The following PHF2 variants were observed in gnomAD, a reference collection of about 807,000 sequenced individuals.
The protein encoded by PHF2 is PHD finger protein 2, also known as lysine-specific demethylase PHF2.
A neutral mutation model predicts 120.5 loss-of-function variants in PHF2; 27 were observed. The ratio of observed to expected loss-of-function variants is 0.22; its 90% confidence interval spans 0.17 to 0.31. PHF2 has a LOEUF of 0.31. Ranked by LOEUF, PHF2 falls within the 10% of genes least tolerant of loss-of-function variation. PHF2 has a pLI of 1.00. For synonymous variants in PHF2, 568 were observed against 592.5 expected, an observed-to-expected ratio of 0.96 and a Z score of 0.60; for missense variants, 1,024 against 1,434.8, an observed-to-expected ratio of 0.71 and a Z score of 4.63.
At chr9:93,633,224 C>G (rs897129095) in intron 2 of PHF2, among the ~76,000 whole-genome samples, 1 of 152,204 alleles carries the variant, frequency 6.6e-6, no homozygotes, top group African/African-American at 2.4e-5. Flanking sequence ...TGCAGGGTCC[C>G]TCCCCGTTCC....
Position 93,676,659 on chromosome 9 carries a change from TTCCACC to T in PHF2, c.2909_2914del (p.Thr970_Ser971del). The stretch of plus-strand genomic sequence containing the variant: ...AGCTGACTCCTAACACCACCTCCCC[TTCCACC>T]TCCACCTCCATCTCTGCCGGCACCA... On this transcript the variant is annotated inframe_deletion, in exon 21 of 22. Transcript: ENST00000359246. 1 of 1,600,858 alleles carries T rather than the reference TTCCACC, an allele frequency of 6.2e-7. No homozygotes were observed. Among genetic ancestry groups the T allele is most frequent in the Non-Finnish European group, 8.5e-7 (1 of 1,173,564 alleles).
intron 1 of PHF2, among the ~76,000 whole-genome samples, chr9:93,586,426 C>G (rs1307628275): frequency 6.6e-6 from 1 of 152,260 alleles, no homozygotes; most frequent in Non-Finnish European, 1.5e-5. Context: ...GGATGCCACC[C>G]TGTTCCTTGC....
chr9:93,620,350 G>A (rs1825805731), intron 1 of PHF2, among the ~76,000 whole-genome samples: 1 of 152,228 alleles, frequency 6.6e-6, no homozygotes, highest in African/African-American at 2.4e-5. Flanking sequence ...CCACGCTGGG[G>A]CAGGGGCAGC....
chr9:93,658,765 G>A (rs1826506612), intron 10 of PHF2, among the ~76,000 whole-genome samples: 1 of 152,040 alleles, frequency 6.6e-6, no homozygotes, highest in African/African-American at 2.4e-5. Context: ...GATTGCAGGT[G>A]CAGCACCCCA....
chr9:93,669,131 C>T (rs1428586021), intron 17 of PHF2, among the ~76,000 whole-genome samples: 5 of 152,230 alleles, frequency 3.3e-5, no homozygotes, highest in Admixed American at 3.3e-4. Context: ...GCATGCAGTC[C>T]TCACCCTCTT....
At chr9:93,640,992 G>T (rs1459945345) in intron 3 of PHF2, among the ~76,000 whole-genome samples, 18 of 152,196 alleles carry the variant, frequency 1.2e-4, no homozygotes. Flanking sequence ...TGTGTCTGCA[G>T]CTCTCTCAGT....
At chr9:93,587,963 C>T (rs2131601912) in intron 1 of PHF2, among the ~76,000 whole-genome samples, 1 of 152,238 alleles carries the variant, frequency 6.6e-6, no homozygotes, top group African/African-American at 2.4e-5. Context: ...AGGCATGTGA[C>T]TTGGATCCTG....
At chr9:93,648,279 G>C (rs143251762) in intron 4 of PHF2, among the ~76,000 whole-genome samples, 16 of 152,330 alleles carry the variant, frequency 1.1e-4, no homozygotes, top group African/African-American at 3.6e-4. Flanking sequence ...TCTGTCCCGG[G>C]TGTTTCCTAT....
chr9:93,579,087 G>C (rs545516275), intron 1 of PHF2, among the ~76,000 whole-genome samples: 1 of 152,184 alleles, frequency 6.6e-6, no homozygotes, highest in Non-Finnish European at 1.5e-5. Context: ...TCAGGGGTTG[G>C]TGGTGTTGGT....
chr9:93,676,485 C>A, intron 20 of PHF2, 109 bp from the exon 21 acceptor site: 1 of 1,356,172 alleles, frequency 7.4e-7, no homozygotes, highest in Non-Finnish European at 1.0e-6. Flanking sequence ...CCCTGCTGCC[C>A]AGCCCTGCTG....
Position 93,663,002 on chromosome 9 carries a change from G to A in PHF2, c.1794G>A (p.Lys598=), listed in dbSNP as rs1286174073. Reference sequence around the variant, plus strand: ...AAATTCGAGAGCAAACCAAGAGCAAGTCAGAGGCCAAGTGGAAGTACAAGG... The same window carrying A: ...AAATTCGAGAGCAAACCAAGAGCAAATCAGAGGCCAAGTGGAAGTACAAGG... ...RLEIREQTKS[K]SEAKWKYKNS... is the part of the protein sequence containing the mutation. The change falls in exon 13 of 22, where the codon AAG becomes AAA. Residue 598 remains lysine (K), a synonymous_variant. Coordinates refer to ENST00000359246, the MANE Select transcript of PHF2 (RefSeq NM_005392.4). The A allele has an allele frequency of 6.2e-7, 1 of 1,614,146 alleles. No individual in the cohort carries two copies. The highest frequency in any genetic ancestry group is 8.5e-7 in the Non-Finnish European group (1 of 1,180,006).
At chr9:93,609,121 G>A (rs182985122) in intron 1 of PHF2, among the ~76,000 whole-genome samples, 1 of 96,986 alleles carries the variant, frequency 1.0e-5, no homozygotes, top group African/African-American at 2.9e-5. Flanking sequence ...TGCGATATAC[G>A]TTTATGACTA....
At chr9:93,615,149 T>C (rs1182246632) in intron 1 of PHF2, among the ~76,000 whole-genome samples, 1 of 146,964 alleles carries the variant, frequency 6.8e-6, no homozygotes, top group Non-Finnish European at 1.5e-5. Flanking sequence ...GTGATAGTAA[T>C]GGTGATGATG....
At chr9:93,648,324 C>G (rs1412165564) in intron 4 of PHF2, among the ~76,000 whole-genome samples, 3 of 152,364 alleles carry the variant, frequency 2.0e-5, no homozygotes, top group African/African-American at 7.2e-5. Context: ...GACTTGCCTT[C>G]AAGTTTTTGG....
intron 1 of PHF2, among the ~76,000 whole-genome samples, chr9:93,609,173 G>A (rs571298131): frequency 6.6e-6 from 1 of 151,340 alleles, no homozygotes; most frequent in South Asian, 2.1e-4. Context: ...TATGGGTAGA[G>A]CAAGAAATAG....
chr9:93,633,777 TG>T (rs1826046474), intron 2 of PHF2, among the ~76,000 whole-genome samples: 1 of 151,874 alleles, frequency 6.6e-6, no homozygotes, highest in Admixed American at 6.6e-5. Flanking sequence ...GTGCAATTGG[TG>T]AAATAATGAC....
At chr9:93,619,187 C>T (rs1292369944) in intron 1 of PHF2, among the ~76,000 whole-genome samples, 1 of 152,138 alleles carries the variant, frequency 6.6e-6, no homozygotes, top group Non-Finnish European at 1.5e-5. Flanking sequence ...CCTACCCTTT[C>T]CCTCAGTGTG....
At chr9:93,585,588 C>T (rs1364507921) in intron 1 of PHF2, among the ~76,000 whole-genome samples, 1 of 152,240 alleles carries the variant, frequency 6.6e-6, no homozygotes, top group African/African-American at 2.4e-5. Context: ...CGCAAGGCCA[C>T]AGTATTGGAC....
At chr9:93,597,080 G>A (rs1389972827) in intron 1 of PHF2, among the ~76,000 whole-genome samples, 1 of 151,870 alleles carries the variant, frequency 6.6e-6, no homozygotes, top group Non-Finnish European at 1.5e-5. Flanking sequence ...ACAGGTGCCC[G>A]CCACCACACC....
Sources: gnomAD v4.1 joint callset for allele counts (sites outside exome capture counted in the v4.1 genomes callset) on GRCh38, gnomAD v4.1.1 for gene constraint, MANE v1.5 for transcripts, NCBI Gene and HGNC (gene_info 2026-07-23, HGNC 2026-07-21) for gene names.